The following DYM variants were observed in gnomAD, a reference collection of about 807,000 sequenced individuals.
DYM encodes dyggve-Melchior-Clausen syndrome protein.
In DYM, 78 loss-of-function variants were observed where a neutral mutation model predicts 93.1. The ratio of observed to expected loss-of-function variants is 0.84; its 90% confidence interval spans 0.70 to 1.01. The LOEUF (loss-of-function observed/expected upper bound fraction) is 1.01. Ranked by LOEUF, DYM falls within the 50% of genes least tolerant of loss-of-function variation. DYM has a pLI of 0.00. For synonymous variants in DYM, 321 were observed against 319.7 expected, an observed-to-expected ratio of 1.00 and a Z score of -0.04; for missense variants, 789 against 845.0, an observed-to-expected ratio of 0.93 and a Z score of 0.82.
intron 5 of DYM, among the ~76,000 whole-genome samples, chr18:49,369,823 C>T (rs2066837814): frequency 1.3e-5 from 2 of 152,242 alleles, no homozygotes; most frequent in South Asian, 4.2e-4. Flanking sequence ...TTGTCGAGTC[C>T]CTGTCCCTTT....
chr18:49,307,460 T>C (rs1286646823), intron 8 of DYM, among the ~76,000 whole-genome samples: 1 of 152,092 alleles, frequency 6.6e-6, no homozygotes, highest in African/African-American at 2.4e-5. Flanking sequence ...CCCATACTAT[T>C]TCTACTTACA....
At chr18:49,303,656 G>A (rs2061088679) in intron 8 of DYM, among the ~76,000 whole-genome samples, 1 of 152,214 alleles carries the variant, frequency 6.6e-6, no homozygotes, top group African/African-American at 2.4e-5. Flanking sequence ...GTACCCACAT[G>A]ACAGTGCTTC....
At chr18:49,381,900 G>T (rs1273100694) in intron 3 of DYM, among the ~76,000 whole-genome samples, 3 of 147,806 alleles carry the variant, frequency 2.0e-5, no homozygotes, top group Non-Finnish European at 4.5e-5. Flanking sequence ...AGACCTCAGG[G>T]TAAACTTTTT....
At chr18:49,044,348 T>A in intron 17 of DYM, 144 bp from the exon 18 acceptor site, 1 of 844,082 alleles carries the variant, frequency 1.2e-6, no homozygotes, top group South Asian at 1.4e-5. Context: ...TCTGGGGCTT[T>A]AAAATATTTC....
chr18:49,162,829 G>T (rs1368772153), intron 15 of DYM, among the ~76,000 whole-genome samples: 1 of 152,188 alleles, frequency 6.6e-6, no homozygotes, highest in Non-Finnish European at 1.5e-5. Flanking sequence ...GCACTCACAA[G>T]GTTGGAGGGA....
intron 6 of DYM, among the ~76,000 whole-genome samples, chr18:49,347,341 C>T (rs2064687102): frequency 6.6e-6 from 1 of 152,016 alleles, no homozygotes; most frequent in Non-Finnish European, 1.5e-5. Flanking sequence ...AATATAAATG[C>T]ATCATCTATA....
chr18:49,437,009 G>T (rs1164739878), intron 1 of DYM, among the ~76,000 whole-genome samples: 2 of 151,672 alleles, frequency 1.3e-5, no homozygotes, highest in Admixed American at 1.3e-4. Context: ...ACCAGGTGAA[G>T]CAACAACGAG....
chr18:49,063,666 G>T (rs183550892), intron 17 of DYM, among the ~76,000 whole-genome samples: 1 of 124,112 alleles, frequency 8.1e-6, no homozygotes. Flanking sequence ...AGCTCTTGTC[G>T]CCCAGGATGG....
intron 8 of DYM, chr18:49,329,600 G>GT (rs1398168735): frequency 6.6e-6 from 1 of 152,180 alleles, no homozygotes; most frequent in Non-Finnish European, 1.5e-5. Flanking sequence ...CCAAGCAAGT[G>GT]GTTCACTACT....
At chr18:49,456,186 G>T (rs569844960) in intron 1 of DYM, among the ~76,000 whole-genome samples, 1 of 152,330 alleles carries the variant, frequency 6.6e-6, no homozygotes, top group East Asian at 1.9e-4. Flanking sequence ...CCATACTTTA[G>T]GGTTAACAGT....
chr18:49,412,465 T>G (rs893571750), intron 2 of DYM, among the ~76,000 whole-genome samples: 4 of 152,192 alleles, frequency 2.6e-5, no homozygotes, highest in African/African-American at 9.6e-5. Context: ...ATAAAGGTTT[T>G]GACTCAAGAT....
intron 6 of DYM, among the ~76,000 whole-genome samples, chr18:49,355,121 C>T (rs1003181840): frequency 1.3e-5 from 2 of 151,714 alleles, no homozygotes; most frequent in African/African-American, 4.8e-5. Flanking sequence ...CATACTTTAA[C>T]CATCATCCTT....
At chr18:49,155,266 T>C (rs1208752036) in intron 15 of DYM, among the ~76,000 whole-genome samples, 1 of 152,212 alleles carries the variant, frequency 6.6e-6, no homozygotes, top group Admixed American at 6.5e-5. Context: ...TTTTCCTACA[T>C]TCACCTTTGT....
chr18:49,300,072 T>TAC (rs1044532361), intron 8 of DYM, among the ~76,000 whole-genome samples: 2 of 130,946 alleles, frequency 1.5e-5, no homozygotes, highest in African/African-American at 7.0e-5. Context: ...TATATATAAA[T>TAC]ATATATATAT....
chr18:49,443,361 ACT>A (rs2081830189), intron 1 of DYM, among the ~76,000 whole-genome samples: 1 of 151,980 alleles, frequency 6.6e-6, no homozygotes, highest in Admixed American at 6.6e-5. Context: ...ATCCCTTTAT[ACT>A]CTCAGTGCAC....
chr18:49,065,232 A>G (rs1276862793), intron 17 of DYM, among the ~76,000 whole-genome samples: 1 of 152,216 alleles, frequency 6.6e-6, no homozygotes, highest in East Asian at 1.9e-4. Context: ...AATCAGGGAT[A>G]TAAACTATTT....
At chr18:49,142,633 T>C (rs929976036) in intron 15 of DYM, among the ~76,000 whole-genome samples, 1 of 152,200 alleles carries the variant, frequency 6.6e-6, no homozygotes, top group African/African-American at 2.4e-5. Flanking sequence ...GCAGACTTCA[T>C]CTCTGTTGGA....
chr18:49,145,474 G>A (rs1455769040), intron 15 of DYM, among the ~76,000 whole-genome samples: 1 of 151,888 alleles, frequency 6.6e-6, no homozygotes, highest in Non-Finnish European at 1.5e-5. Flanking sequence ...TTACATCAAA[G>A]AACAAAAAAT....
At chr18:49,400,383 T>A (rs898219656) in intron 2 of DYM, among the ~76,000 whole-genome samples, 1 of 152,024 alleles carries the variant, frequency 6.6e-6, no homozygotes, top group Non-Finnish European at 1.5e-5. Context: ...CAGGCCTGGA[T>A]CCCCCAACAC....
Sources: allele counts gnomAD v4.1 joint callset (sites outside exome capture counted in the v4.1 genomes callset), GRCh38; gene constraint gnomAD v4.1.1; transcripts MANE v1.5; gene names NCBI Gene and HGNC (gene_info 2026-07-23, HGNC 2026-07-21).